Variants in SVEP1 observed in about 807,000 individuals in gnomAD.
The protein encoded by SVEP1 is sushi, von Willebrand factor type A, EGF and pentraxin domain containing 1, also known as sushi, von Willebrand factor type A, EGF and pentraxin domain-containing protein 1.
A neutral mutation model predicts 367.3 loss-of-function variants in SVEP1; 164 were observed. The observed-to-expected ratio is 0.45, with a 90% CI of 0.39 to 0.51. The LOEUF is 0.51. Among genes scored for constraint, SVEP1 ranks in the 20% least tolerant of loss-of-function variants. SVEP1 has a pLI of 0.00. For synonymous variants in SVEP1, 1,666 were observed against 1,611.6 expected (o/e 1.03, Z -0.81); for missense variants, 4,117 against 4,425.3 (o/e 0.93, Z 1.98).
intron 8 of SVEP1, among the ~76,000 whole-genome samples, chr9:110,492,270 C>T (rs769975528): frequency 5.3e-5 from 8 of 151,704 alleles, no homozygotes; most frequent in Admixed American, 2.0e-4. Flanking sequence ...AAATTGTGGT[C>T]GTTAGGATTC....
At position 110,407,257 on chromosome 9, in the gene SVEP1, G is replaced by C; in HGVS notation, c.8343C>G (p.Val2781=). ...TGCTTCCTTTGATGGATCCATTCAT[G>C]ACTGGATTTGGCTTTTTGCATGAAA... ...EAISCKKPNP[V]MNGSIKGSNY... Residue 2781 remains valine, a synonymous_variant, in exon 38 of 48, where the codon GTC becomes GTG. Transcript: ENST00000374469. 3 of 1,613,992 alleles carry C rather than the reference G, an allele frequency of 1.9e-6. No individual in the cohort carries two copies. Among genetic ancestry groups the C allele is most frequent in the Non-Finnish European group, 2.5e-6 (3 of 1,179,898 alleles).
intron 3 of SVEP1, among the ~76,000 whole-genome samples, chr9:110,536,064 T>C (rs768965789): frequency 6.6e-6 from 1 of 151,944 alleles, no homozygotes; most frequent in Non-Finnish European, 1.5e-5. Context: ...ATTGTCCTCA[T>C]TCAGTATGAT....
At chr9:110,385,162 G>T (rs1223380400) in intron 43 of SVEP1, among the ~76,000 whole-genome samples, 1 of 152,028 alleles carries the variant, frequency 6.6e-6, no homozygotes, top group Non-Finnish European at 1.5e-5. Context: ...TGTATTTTTA[G>T]TAGAGACAGG....
At chr9:110,452,220 CTTG>C (rs1828704810) in intron 22 of SVEP1, among the ~76,000 whole-genome samples, 1 of 152,146 alleles carries the variant, frequency 6.6e-6, no homozygotes, top group African/African-American at 2.4e-5. Flanking sequence ...ATTATGAACA[CTTG>C]TTTTTTCACA....
At chr9:110,452,470 G>A (rs907198048) in intron 22 of SVEP1, among the ~76,000 whole-genome samples, 1 of 152,160 alleles carries the variant, frequency 6.6e-6, no homozygotes, top group Admixed American at 6.5e-5. Flanking sequence ...ACTGTCTAAG[G>A]AAATGCAACC....
intron 43 of SVEP1, among the ~76,000 whole-genome samples, chr9:110,384,806 C>T (rs545435490): frequency 3.3e-5 from 5 of 152,200 alleles, no homozygotes; most frequent in South Asian, 2.1e-4. Flanking sequence ...CATTAAGTGG[C>T]GTGCAAGTGT....
intron 25 of SVEP1, among the ~76,000 whole-genome samples, chr9:110,446,341 G>A (rs1253739334): frequency 6.6e-6 from 1 of 152,182 alleles, no homozygotes; most frequent in Non-Finnish European, 1.5e-5. Flanking sequence ...AAGCATGTCT[G>A]TATGCTGATG....
Position 110,411,311 on chromosome 9 carries a change from G to A in SVEP1, c.6400C>T (p.Pro2134Ser). 1.2e-6 allele frequency: 2 copies of A among 1,614,006 alleles called. No individual in the cohort carries two copies. Among genetic ancestry groups the A allele is most frequent in the Non-Finnish European group, 1.7e-6 (2 of 1,179,896 alleles). ...ATGCACTGGATGGACATGGGGGAAG[G>A]GTTCCACTGCCCACCTCTCATACAT... ...IECMRGGQWN[P>S]SPMSIQCIPV... The change falls in exon 37 of 48, where the codon CCT becomes TCT. Residue 2134 changes from proline to serine, a missense_variant. Pro to Ser is a moderately conservative substitution (Grantham distance 74, BLOSUM62 -1). Around this residue, in one of 4 missense-constraint regions of SVEP1, gnomAD observed 1,765 missense variants for 1,781.1 expected, o/e 0.99. Transcript: ENST00000374469.
intron 40 of SVEP1, among the ~76,000 whole-genome samples, chr9:110,393,619 G>C (rs1433072751): frequency 6.6e-6 from 1 of 152,166 alleles, no homozygotes. Flanking sequence ...CAAAGAAAGG[G>C]GTGACAGATG....
chr9:110,448,252 G>A (rs1357901488), intron 24 of SVEP1, among the ~76,000 whole-genome samples: 2 of 152,178 alleles, frequency 1.3e-5, no homozygotes, highest in East Asian at 1.9e-4. Flanking sequence ...CAGAAGATGT[G>A]AATCAAATAT....
rs1189980748 is a variant in SVEP1, at chr9:110,365,393, A to G, written c.*1146T>C. 1 of 152,170 alleles carries G rather than the reference A, an allele frequency of 6.6e-6. No individual in the cohort carries two copies. The highest frequency in any genetic ancestry group is 2.4e-5 in the African/African-American group (1 of 41,448). 9.4% of individuals were successfully genotyped at this position (152,170 alleles called of 1,614,324 possible). A position where few individuals can be genotyped will look rare whatever the true frequency, so the allele number is the denominator to read the frequency against. Reference sequence around the variant, plus strand: ...CGGTAGTGAAGAGAACCACTAGGAGAATCAAGATCTCTTTCATCCTTTCTG... The same window carrying G: ...CGGTAGTGAAGAGAACCACTAGGAGGATCAAGATCTCTTTCATCCTTTCTG... On this transcript the variant is annotated 3_prime_UTR_variant, in exon 48 of 48. Coordinates refer to ENST00000374469, the MANE Select transcript of SVEP1 (RefSeq NM_153366.4).
chr9:110,444,495 C>T (rs896294542), intron 26 of SVEP1, among the ~76,000 whole-genome samples: 32 of 152,124 alleles, frequency 2.1e-4, no homozygotes, highest in African/African-American at 7.7e-4. Context: ...AAGACAGTTG[C>T]TCATGTAGTC....
At chr9:110,551,953 G>C (rs1488538378) in intron 1 of SVEP1, among the ~76,000 whole-genome samples, 1 of 151,770 alleles carries the variant, frequency 6.6e-6, no homozygotes, top group Non-Finnish European at 1.5e-5. Context: ...TGGATATCTG[G>C]GATGGTGGTA....
At chr9:110,488,171 G>C (rs183405433) in intron 9 of SVEP1, among the ~76,000 whole-genome samples, 1 of 152,164 alleles carries the variant, frequency 6.6e-6, no homozygotes, top group South Asian at 2.1e-4. Context: ...CAAGGTTTTC[G>C]CTTGGTAGCT....
At chr9:110,458,325 G>T in intron 20 of SVEP1, 146 bp downstream of exon 20, 1 of 714,544 alleles carries the variant, frequency 1.4e-6, no homozygotes, top group Non-Finnish European at 2.3e-6. Context: ...AGGAGTCATT[G>T]TAAATACAAT....
chr9:110,559,940 T>C (rs575212987), intron 1 of SVEP1, among the ~76,000 whole-genome samples: 1 of 152,136 alleles, frequency 6.6e-6, no homozygotes, highest in Non-Finnish European at 1.5e-5. Context: ...ATTACCTATA[T>C]GTACATGACA....
At chr9:110,465,740 T>C in intron 18 of SVEP1, 125 bp downstream of exon 18, 3 of 1,250,136 alleles carry the variant, frequency 2.4e-6, no homozygotes, top group East Asian at 2.6e-5. Flanking sequence ...AACCTCTTTA[T>C]GAAGAGACAG....
In SVEP1 at chr9:110,499,199, A is replaced by G; in HGVS notation, c.1523T>C (p.Ile508Thr). The G allele has an allele frequency of 1.2e-6, 2 of 1,613,382 alleles. No individual in the cohort carries two copies. Among genetic ancestry groups the G allele is most frequent in the Non-Finnish European group, 1.7e-6 (2 of 1,179,600 alleles). ...CTTGCCACAGTTGTGGGGGGATATG[A>G]TGACATCTTTGGGCATCTGAAAGGT... ...CSTFQMPKDV[I>T]ISPHNCGKQP... Residue 508 changes from isoleucine to threonine, a missense_variant, in exon 7 of 48, where the codon ATC becomes ACC. This residue lies in a region of SVEP1 where 2,174 missense variants were observed against 2,494.3 expected (regional missense o/e 0.87). Transcript: ENST00000374469.
intron 5 of SVEP1, among the ~76,000 whole-genome samples, chr9:110,508,780 A>AAAAG (rs1205634811): frequency 1.2e-3 from 172 of 143,548 alleles, no homozygotes; most frequent in African/African-American, 1.6e-3. Context: ...AAAAAAAAAA[A>AAAAG]AAAGAAAGAA....
Sources: gnomAD v4.1 joint callset for allele counts (sites outside exome capture counted in the v4.1 genomes callset) on GRCh38, gnomAD v4.1.1 for gene constraint, gnomAD v4.1.1 regional missense constraint, MANE v1.5 for transcripts, NCBI Gene and HGNC (gene_info 2026-07-23, HGNC 2026-07-21) for gene names.